The following ZNF292 variants were observed in gnomAD, a reference collection of about 807,000 sequenced individuals.
ZNF292 encodes the protein zinc finger protein 292.
A neutral mutation model predicts 217.9 loss-of-function variants in ZNF292; 26 were observed. The observed-to-expected ratio is 0.12, with a 90% CI of 0.09 to 0.17. The LOEUF is 0.17. Ranked by LOEUF, ZNF292 falls within the 10% of genes least tolerant of loss-of-function variation. The pLI is 1.00. For missense variants in ZNF292, 2,904 were observed against 3,175.2 expected (o/e 0.91, Z 2.05); for synonymous variants, 1,257 against 1,124.1 (o/e 1.12, Z -2.37).
chr6:87,202,622 C>G (rs901711628), intron 1 of ZNF292, among the ~76,000 whole-genome samples: 11 of 152,122 alleles, frequency 7.2e-5, no homozygotes, highest in Non-Finnish European at 7.4e-5. Context: ...ATGTAGTTTG[C>G]TATGGGTTTT....
At chr6:87,196,272 G>A in intron 1 of ZNF292, among the ~76,000 whole-genome samples, 1 of 152,116 alleles carries the variant, frequency 6.6e-6, no homozygotes, top group East Asian at 1.9e-4. Context: ...TTCCTTTAAT[G>A]TGATGTTTTT....
In ZNF292 at chr6:87,259,693, G is replaced by T. The variant is rs149892183; in HGVS notation, c.6064G>T (p.Ala2022Ser). The change falls in exon 8 of 8, where the codon GCT (alanine) becomes TCT (serine). Residue 2022 changes from alanine (A) to serine (S), a missense_variant. Physicochemically the swap from Ala to Ser is moderately conservative, Grantham distance 99 (BLOSUM62 1). This residue lies in a region of ZNF292 where 261 missense variants were observed against 272.8 expected (regional missense o/e 0.96). Transcript: ENST00000369577. ...TEENKKESQP[A>S]LELRAETQNT... ...GGAAAATAAAAAGGAATCTCAGCCT[G>T]CTTTAGAATTGAGAGCAGAGACCCA... 3,524 of 1,599,704 alleles carry T rather than the reference G, an allele frequency of 2.2e-3. 4 individuals carry two copies. The highest frequency in any genetic ancestry group is 2.7e-3 in the Non-Finnish European group (3,215 of 1,172,760).
At chr6:87,187,313 T>C (rs1402261575) in intron 1 of ZNF292, among the ~76,000 whole-genome samples, 39 of 152,066 alleles carry the variant, frequency 2.6e-4, no homozygotes, top group Non-Finnish European at 4.3e-4. Context: ...TCATGATAAA[T>C]ATCAGTAAAG....
Position 87,256,880 on chromosome 6 carries a change from T to C in ZNF292, c.3251T>C (p.Leu1084Ser). Reference protein sequence around the residue: ...VPPQSDLSNSLGTPSVPPKAP... With the variant: ...VPPQSDLSNSSGTPSVPPKAP... ...CCGCAGTCCGACCTAAGTAATTCAT[T>C]AGGAACTCCATCAGTGCCTCCAAAA... Residue 1084 changes from leucine (L) to serine (S), a missense_variant, in exon 8 of 8, where the codon TTA (leucine) becomes TCA (serine). Around this residue, in one of 15 missense-constraint regions of ZNF292, gnomAD observed 687 missense variants for 623.0 expected, o/e 1.10. Coordinates refer to ENST00000369577, the MANE Select transcript of ZNF292 (RefSeq NM_015021.3). The C allele has an allele frequency of 6.2e-7, 1 of 1,613,884 alleles. No individual in the cohort carries two copies. The highest frequency in any genetic ancestry group is 8.5e-7 in the Non-Finnish European group (1 of 1,179,820).
intron 1 of ZNF292, chr6:87,215,218 T>C (rs564826981): frequency 2.0e-5 from 3 of 152,256 alleles, no homozygotes; most frequent in South Asian, 4.1e-4. Flanking sequence ...GTAAGATAAA[T>C]AGCATCTTTT....
chr6:87,179,816 A>G (rs903010438), intron 1 of ZNF292, among the ~76,000 whole-genome samples: 2 of 152,146 alleles, frequency 1.3e-5, no homozygotes, highest in Admixed American at 6.6e-5. Flanking sequence ...TGCCTGATTT[A>G]TTTGCCCTAT....
At chr6:87,186,693 G>A (rs1212600275) in intron 1 of ZNF292, among the ~76,000 whole-genome samples, 2 of 152,136 alleles carry the variant, frequency 1.3e-5, no homozygotes, top group African/African-American at 2.4e-5. Context: ...GCAGTGAGCC[G>A]TGATCATGCC....
chr6:87,237,600 T>G (rs1221427683), intron 5 of ZNF292, among the ~76,000 whole-genome samples: 1 of 152,200 alleles, frequency 6.6e-6, no homozygotes, highest in Non-Finnish European at 1.5e-5. Flanking sequence ...CTTCGTAAAT[T>G]CATATAAAAT....
In ZNF292 at chr6:87,261,247, T is replaced by C; in HGVS notation, c.7618T>C (p.Ser2540Pro). The change falls in exon 8 of 8, where the codon TCA becomes CCA. Residue 2540 changes from serine to proline, a missense_variant. Transcript: ENST00000369577. ...LKRVNKEKNV[S>P]QNKKRKVEKA... ...GAGAGTTAATAAGGAAAAAAATGTC[T>C]CACAAAATAAAAAAAGGAAAGTTGA... 1 of 1,610,058 alleles carries C rather than the reference T, an allele frequency of 6.2e-7. No individual in the cohort carries two copies. Among genetic ancestry groups the C allele is most frequent in the South Asian group, 1.1e-5 (1 of 90,376 alleles).
chr6:87,184,876 A>C (rs1484485717), intron 1 of ZNF292, among the ~76,000 whole-genome samples: 1 of 152,186 alleles, frequency 6.6e-6, no homozygotes, highest in Non-Finnish European at 1.5e-5. Flanking sequence ...ATATCCAAGG[A>C]AGCAGAAGAA....
At chr6:87,178,960 A>G (rs7768575) in intron 1 of ZNF292, among the ~76,000 whole-genome samples, 95,765 of 151,830 alleles carry the variant, frequency 0.63, 31,781 homozygotes, top group African/African-American at 0.85. Flanking sequence ...AGGGTTCTTT[A>G]TTCTATATTA....
Position 87,233,580 on chromosome 6 carries a change from T to G in ZNF292, c.741+53T>G, listed in dbSNP as rs143331467. The G allele has an allele frequency of 6.4e-4, 1,001 of 1,568,526 alleles. 3 individuals carry two copies. In the African/African-American group the frequency reaches 0.012, roughly 19 times the overall value. On this transcript the variant is annotated intron_variant, in intron 5 of 7. Coordinates refer to ENST00000369577, the MANE Select transcript of ZNF292 (RefSeq NM_015021.3). ...TATTTTTTAAGTTGAGAAATTAATT[T>G]TTAATTAGAATGTCTTTGATTTCCT...
At chr6:87,211,068 C>G (rs1018982671) in intron 1 of ZNF292, among the ~76,000 whole-genome samples, 3 of 152,202 alleles carry the variant, frequency 2.0e-5, no homozygotes, top group African/African-American at 4.8e-5. Context: ...CACATATACT[C>G]ACTAGTGTAG....
chr6:87,230,060 T>G (rs989587069), intron 4 of ZNF292, among the ~76,000 whole-genome samples: 4 of 152,188 alleles, frequency 2.6e-5, no homozygotes, highest in African/African-American at 9.6e-5. Flanking sequence ...AACTAGGTGA[T>G]AGATTGATGT....
intron 1 of ZNF292, among the ~76,000 whole-genome samples, chr6:87,209,352 A>G (rs1772386639): frequency 1.3e-5 from 2 of 152,202 alleles, no homozygotes; most frequent in Non-Finnish European, 2.9e-5. Context: ...AAAAAAAATT[A>G]CTGTAGTTTC....
Position 87,258,165 on chromosome 6 carries a change from T to A in ZNF292, c.4536T>A (p.Val1512=). 1 of 1,611,954 alleles carries A rather than the reference T, an allele frequency of 6.2e-7. No homozygotes were observed. Among genetic ancestry groups the A allele is most frequent in the East Asian group, 2.2e-5 (1 of 44,854 alleles). ...AGGGTGCCGAAATGCTTTCTCATGT[T>A]TCAACAGGTTGTGTCTCTGATGCAT... ...TFEGAEMLSH[V]STGCVSDASQ... The change falls in exon 8 of 8, where the codon GTT becomes GTA. Residue 1512 remains valine (V), a synonymous_variant. Transcript: ENST00000369577.
chr6:87,209,869 GAGAGT>G (rs1772409340), intron 1 of ZNF292, among the ~76,000 whole-genome samples: 2 of 152,276 alleles, frequency 1.3e-5, no homozygotes, highest in African/African-American at 4.8e-5. Flanking sequence ...TAATTTTTAA[GAGAGT>G]AAAGAGTCAT....
chr6:87,262,095 G>C lies in ZNF292; in HGVS notation c.*294G>C, dbSNP rs1775637728. The C allele has an allele frequency of 4.9e-6, 1 of 203,360 alleles. No homozygotes were observed. Among genetic ancestry groups the C allele is most frequent in the South Asian group, 1.3e-4 (1 of 7,542 alleles). 12.6% of individuals were successfully genotyped at this position (203,360 alleles called of 1,614,324 possible). A position where few individuals can be genotyped will look rare whatever the true frequency, so the allele number is the denominator to read the frequency against. The stretch of plus-strand genomic sequence containing the variant: ...AACTAAACAATTATCTGTGTGATTG[G>C]TATGTTTCACCAGGTCACTGCTCAT... On this transcript the variant is annotated 3_prime_UTR_variant, in exon 8 of 8. Coordinates refer to ENST00000369577, the MANE Select transcript of ZNF292 (RefSeq NM_015021.3).
intron 1 of ZNF292, among the ~76,000 whole-genome samples, chr6:87,199,808 A>G (rs971430838): frequency 1.3e-5 from 2 of 152,232 alleles, no homozygotes; most frequent in African/African-American, 4.8e-5. Flanking sequence ...GACTAAGGGA[A>G]AACCTATTTC....
Sources: gnomAD v4.1 joint callset for allele counts (sites outside exome capture counted in the v4.1 genomes callset) on GRCh38, gnomAD v4.1.1 for gene constraint, gnomAD v4.1.1 regional missense constraint, MANE v1.5 for transcripts, NCBI Gene and HGNC (gene_info 2026-07-23, HGNC 2026-07-21) for gene names.